The following TMTC4 variants were observed in gnomAD, a reference collection of about 807,000 sequenced individuals.
TMTC4 encodes protein O-mannosyl-transferase TMTC4.
TMTC4 carries 65 observed loss-of-function variants against 86.0 expected under a neutral mutation model. The observed-to-expected ratio is 0.76, with a 90% confidence interval of 0.62 to 0.93. The LOEUF is 0.93. Ranked by LOEUF, TMTC4 falls within the 40% of genes least tolerant of loss-of-function variation. TMTC4 has a pLI of 0.00. For missense variants in TMTC4, 866 were observed against 948.1 expected, an observed-to-expected ratio of 0.91 and a Z score of 1.14; for synonymous variants, 379 against 382.5, an observed-to-expected ratio of 0.99 and a Z score of 0.11.
At chr13:100,649,835 A>G (rs944678685) in intron 6 of TMTC4, among the ~76,000 whole-genome samples, 5 of 151,940 alleles carry the variant, frequency 3.3e-5, no homozygotes, top group East Asian at 3.9e-4. Context: ...GAAGATCAAT[A>G]TTTTCATTTT....
rs142687568 is a variant in TMTC4, at chr13:100,605,054, A to G, written c.2223T>C (p.Thr741=). The part of the protein sequence containing the change: ...SLQLDPTASG[T]KENYGLLRRK... ...TTCTCAGCAGACCGTAATTCTCCTT[A>G]GTTCCTGATGCCGTGGGGTCAAGCT... The change falls in exon 19 of 19, where the codon ACT becomes ACC. Residue 741 remains threonine (T), a synonymous_variant. Transcript: ENST00000342624. This position sits in a 1 kb window ranked among gnomAD's most constrained non-coding sequence, Gnocchi z 4.3. 32 of 1,613,978 alleles carry G rather than the reference A, an allele frequency of 2.0e-5. No individual in the cohort carries two copies. In the African/African-American group the frequency reaches 4.0e-4, roughly 20 times the overall value.
rs886600678 is a variant in TMTC4 at position 100,625,672 on chromosome 13, C to G, written c.1699G>C (p.Asp567His). The G allele has an allele frequency of 6.2e-7, 1 of 1,614,070 alleles. No individual in the cohort carries two copies. Among genetic ancestry groups the G allele is most frequent in the Non-Finnish European group, 8.5e-7 (1 of 1,179,956 alleles). The change falls in exon 15 of 19, where the codon GAC becomes CAC. Residue 567 changes from aspartate (D) to histidine (H), a missense_variant. By Grantham distance (81) the Asp-to-His change is moderately conservative. Coordinates refer to ENST00000342624, the MANE Select transcript of TMTC4 (RefSeq NM_032813.5). ...AGATTCATCCACGCAGCGGCAAAGT[C>G]TGGCCTAGAGGAGCAGTTTTAACAA... ...LLSLAVQIQP[D>H]FAAAWMNLGI...
chr13:100,671,998 T>C (rs957601193), intron 1 of TMTC4, among the ~76,000 whole-genome samples: 2 of 152,128 alleles, frequency 1.3e-5, no homozygotes, highest in Admixed American at 1.3e-4. Context: ...CTGCACGACC[T>C]TGAACTGCTT....
chr13:100,611,043 G>A (rs1357384475), intron 17 of TMTC4, among the ~76,000 whole-genome samples: 1 of 152,160 alleles, frequency 6.6e-6, no homozygotes, highest in African/African-American at 2.4e-5. Context: ...TAAAACTAGA[G>A]ATATGCATGA....
rs773776550 is a variant in TMTC4 at position 100,663,150 on chromosome 13, G to A, written c.366C>T (p.His122=). Residue 122 remains histidine, a synonymous_variant, in exon 5 of 19, where the codon CAC becomes CAT. Transcript: ENST00000342624. ...TGTTGACCACGTGAAAGCCCACGGG[G>A]TGGAAGCCTCCCGAGAGGTAGTAGT... is the stretch of plus-strand genomic sequence containing the variant. The part of the protein sequence containing the change: ...RINYYLSGGF[H]PVGFHVVNIL... 2 of 1,614,254 alleles carry A rather than the reference G, an allele frequency of 1.2e-6. No individual in the cohort carries two copies. Among genetic ancestry groups the A allele is most frequent in the South Asian group, 1.1e-5 (1 of 91,084 alleles).
At chr13:100,646,147 C>T (rs574617944) in intron 6 of TMTC4, among the ~76,000 whole-genome samples, 1 of 152,148 alleles carries the variant, frequency 6.6e-6, no homozygotes, top group African/African-American at 2.4e-5. Flanking sequence ...CGGCCTTTAA[C>T]AAGCTTTCCA....
At chr13:100,644,070 G>A (rs1053551930) in intron 6 of TMTC4, among the ~76,000 whole-genome samples, 3 of 151,584 alleles carry the variant, frequency 2.0e-5, no homozygotes, top group Admixed American at 6.6e-5. Flanking sequence ...AACAGCCAGT[G>A]CGTTCTGGCC....
At chr13:100,672,855 C>A (rs1887300683) in intron 1 of TMTC4, among the ~76,000 whole-genome samples, 1 of 152,130 alleles carries the variant, frequency 6.6e-6, no homozygotes, top group Admixed American at 6.5e-5. Flanking sequence ...TCCAGATGGG[C>A]CCTAGGTTGA....
At chr13:100,663,213 G>T in intron 4 of TMTC4, 33 bp from the exon 5 acceptor site, 1 of 1,596,752 alleles carries the variant, frequency 6.3e-7, no homozygotes, top group Non-Finnish European at 8.6e-7. Flanking sequence ...GGGTACACGC[G>T]CAGCGGCATG....
At chr13:100,607,001 A>T (rs956031776) in intron 17 of TMTC4, among the ~76,000 whole-genome samples, 1 of 152,204 alleles carries the variant, frequency 6.6e-6, no homozygotes, top group African/African-American at 2.4e-5. Flanking sequence ...ATTCTTGCAC[A>T]GCCTTGCATT....
chr13:100,641,659 G>C (rs922416597), intron 7 of TMTC4, among the ~76,000 whole-genome samples: 4 of 152,056 alleles, frequency 2.6e-5, no homozygotes, highest in Non-Finnish European at 5.9e-5. Context: ...GGCTAATTTT[G>C]TATTTTTAGT....
chr13:100,659,163 G>A (rs1449716229), intron 5 of TMTC4, among the ~76,000 whole-genome samples: 1 of 152,142 alleles, frequency 6.6e-6, no homozygotes, highest in South Asian at 2.1e-4. Flanking sequence ...TTTGCATGGG[G>A]GCCATGAAAA....
At chr13:100,670,338 T>C in intron 2 of TMTC4, 22 bp downstream of exon 2, 1 of 1,608,024 alleles carries the variant, frequency 6.2e-7, no homozygotes, top group South Asian at 1.1e-5. Flanking sequence ...TGGAGACAGA[T>C]CCAACAGGCA....
intron 12 of TMTC4, among the ~76,000 whole-genome samples, chr13:100,627,189 A>G (rs765651928): frequency 1.5e-4 from 23 of 152,132 alleles, no homozygotes; most frequent in Non-Finnish European, 2.8e-4. Flanking sequence ...TGGAGCACAG[A>G]GAGCAGGGAT....
chr13:100,666,210 T>A, intron 3 of TMTC4: 1 of 353,350 alleles, frequency 2.8e-6, no homozygotes, highest in African/African-American at 2.1e-5. Flanking sequence ...GATCATCATC[T>A]CAAGGAACAA....
chr13:100,605,520 A>G lies in TMTC4; in HGVS notation c.2135-378T>C, dbSNP rs528266995. On this transcript the variant is annotated intron_variant, in intron 18 of 18. Transcript: ENST00000342624. The surrounding 1 kb of genome is among the most constrained non-coding windows in gnomAD (Gnocchi z 4.3). ...CTAGGCACTGCCCAGAGCCCTGACT[A>G]TGCAGAAGTTCAGCTGTTTATTTTA... 7.9e-5 allele frequency among the ~76,000 whole-genome samples: 12 copies of G among 152,210 alleles called. No individual in the cohort carries two copies. The highest frequency in any genetic ancestry group is 1.5e-4 in the Non-Finnish European group (10 of 68,032).
Position 100,670,460 on chromosome 13 carries a change from G to C in TMTC4, c.-98C>G, listed in dbSNP as rs547733561. 35 of 1,339,464 alleles carry C rather than the reference G, an allele frequency of 2.6e-5. No homozygotes were observed. In the East Asian group the frequency reaches 6.9e-4, roughly 26 times the overall value. 83.0% of individuals were successfully genotyped at this position (1,339,464 alleles called of 1,614,324 possible). Reference sequence around the variant, plus strand: ...GCAACTCTTCCACTGCTTGTCTCTCGAGCCTCACAGCCTGGCATACGGCAT... The same window carrying C: ...GCAACTCTTCCACTGCTTGTCTCTCCAGCCTCACAGCCTGGCATACGGCAT... On this transcript the variant is annotated 5_prime_UTR_variant, in exon 2 of 19. Transcript: ENST00000342624.
chr13:100,635,420 G>A (rs1422280258), intron 10 of TMTC4, among the ~76,000 whole-genome samples: 3 of 152,046 alleles, frequency 2.0e-5, no homozygotes, highest in East Asian at 3.9e-4. Flanking sequence ...CGAGTCTAAG[G>A]GTAAAACTCA....
chr13:100,622,855 T>C (rs1048550733), intron 15 of TMTC4, among the ~76,000 whole-genome samples: 1 of 152,206 alleles, frequency 6.6e-6, no homozygotes, highest in African/African-American at 2.4e-5. Flanking sequence ...TATATATTTC[T>C]AACACAAGCA....
Sources: gnomAD v4.1 joint callset for allele counts (sites outside exome capture counted in the v4.1 genomes callset) on GRCh38, gnomAD v4.1.1 for gene constraint, Gnocchi (gnomAD v3.1) non-coding constraint, MANE v1.5 for transcripts, NCBI Gene and HGNC (gene_info 2026-07-23, HGNC 2026-07-21) for gene names.